Variants in B9D1 observed in about 807,000 individuals in gnomAD.
B9D1 encodes the protein B9 domain containing 1.
A neutral mutation model predicts 26.1 loss-of-function variants in B9D1; 20 were observed. The ratio of observed to expected loss-of-function variants is 0.77; its 90% CI spans 0.54 to 1.12. The LOEUF is 1.12. B9D1 is among the 50% of genes most tolerant of loss of function. The pLI is 0.00. For synonymous variants in B9D1, 105 were observed against 103.1 expected (o/e 1.02, Z -0.11); for missense variants, 260 against 273.7 (o/e 0.95, Z 0.35).
At chr17:19,367,874 C>T (rs1911681604) in intron 1 of B9D1, among the ~76,000 whole-genome samples, 1 of 152,206 alleles carries the variant, frequency 6.6e-6, no homozygotes, top group Non-Finnish European at 1.5e-5. Context: ...GTCTCCCCAG[C>T]CAGACTCAAA....
intron 3 of B9D1, among the ~76,000 whole-genome samples, chr17:19,348,133 A>C (rs1909108664): frequency 6.6e-6 from 1 of 152,028 alleles, no homozygotes; most frequent in Admixed American, 6.5e-5. Context: ...CTATGGAGTC[A>C]GTGCCCACTC....
downstream of B9D1, chr17:19,335,385 A>T: frequency 6.5e-7 from 1 of 1,547,616 alleles, no homozygotes; most frequent in Non-Finnish European, 8.7e-7. Context: ...TTATCAACTA[A>T]TTCCTTTTTT....
downstream of B9D1, chr17:19,343,058 C>T (rs1010902726): frequency 1.9e-5 from 26 of 1,370,488 alleles, no homozygotes; most frequent in African/African-American, 1.0e-4. Context: ...GCAGCTTCCA[C>T]GGCACAAGGG....
intron 1 of B9D1, among the ~76,000 whole-genome samples, chr17:19,375,284 T>C (rs969008489): frequency 1.3e-5 from 2 of 148,852 alleles, no homozygotes; most frequent in South Asian, 2.1e-4. Flanking sequence ...TGAAACCCTG[T>C]CTCAAAAAGA....
intron 3 of B9D1, among the ~76,000 whole-genome samples, chr17:19,348,949 G>A (rs908488998): frequency 6.6e-6 from 1 of 152,128 alleles, no homozygotes; most frequent in Non-Finnish European, 1.5e-5. Flanking sequence ...CCCTTCCTCT[G>A]GGGGCCACGC....
rs1041432078 is a variant in B9D1, at chr17:19,359,737, G to A, written c.132+583C>T. Among the ~76,000 whole-genome samples, 1 of 152,258 alleles carries A rather than the reference G, an allele frequency of 6.6e-6. No individual in the cohort carries two copies. The highest frequency in any genetic ancestry group is 2.4e-5 in the African/African-American group (1 of 41,470). ...CAGAAGACAATCAATAAAGGGAAAA[G>A]AAGGATTATCATCTCAGTTGTACAA... On this transcript the variant is annotated intron_variant, in intron 2 of 6. Coordinates refer to ENST00000261499, the MANE Select transcript of B9D1 (RefSeq NM_015681.6). This position sits in a 1 kb window ranked among gnomAD's most constrained non-coding sequence, Gnocchi z 5.0.
At chr17:19,363,032 G>A (rs150925127), upstream of B9D1, 4 of 216,706 alleles carry the variant, frequency 1.8e-5, no homozygotes, top group East Asian at 5.4e-4. Flanking sequence ...GCCACTAGAT[G>A]TCGCTGTGGC....
upstream of B9D1, chr17:19,364,639 ATCC>A (rs1911481044): frequency 4.6e-5 from 7 of 152,378 alleles, no homozygotes; most frequent in South Asian, 1.4e-3. The surrounding 1 kb of genome is among the most constrained non-coding windows in gnomAD (Gnocchi z 4.3). Flanking sequence ...CCCAGCTGAC[ATCC>A]AGCCGATCTG....
upstream of B9D1, among the ~76,000 whole-genome samples, chr17:19,363,203 CGCTT>C (rs1036881466): frequency 1.3e-5 from 2 of 152,342 alleles, no homozygotes; most frequent in Admixed American, 6.5e-5. Flanking sequence ...GGCTTGGAGA[CGCTT>C]GCCCTCGAAA....
chr17:19,337,893 G>T, downstream of B9D1: 1 of 622,292 alleles, frequency 1.6e-6, no homozygotes, highest in East Asian at 2.9e-5. Context: ...GCAAGTGCAG[G>T]CTTCCTTAGT....
At position 19,344,405 on chromosome 17, in the gene B9D1, CAG is replaced by C. The variant is rs1225990391; in HGVS notation, c.405-550_405-549del. On this transcript the variant is annotated intron_variant, in intron 5 of 6. Transcript: ENST00000261499. ...TCTTGGCACCCACCGCAGGCCCTGC[CAG>C]GGGCGGCACACAGCCACCAGGCTGA... is the stretch of plus-strand genomic sequence containing the variant. The C allele has an allele frequency of 4.9e-5, 11 of 225,022 alleles. No individual in the cohort carries two copies. In the South Asian group the frequency reaches 5.0e-4, roughly 10 times the overall value. 13.9% of individuals were successfully genotyped at this position (225,022 alleles called of 1,614,324 possible). A position where few individuals can be genotyped will look rare whatever the true frequency, so the allele number is the denominator to read the frequency against.
chr17:19,377,870 GA>G, exon 1 of B9D1: 1 of 985,430 alleles, frequency 1.0e-6, no homozygotes, highest in Non-Finnish European at 1.2e-6. Flanking sequence ...TAGAAGCCAG[GA>G]AACCGCGAGC....
chr17:19,369,067 C>CT (rs1384878183), intron 1 of B9D1, among the ~76,000 whole-genome samples: 1 of 152,156 alleles, frequency 6.6e-6, no homozygotes, highest in Non-Finnish European at 1.5e-5. Context: ...GGATGACATT[C>CT]TTTTTTTGTT....
intron 3 of B9D1, among the ~76,000 whole-genome samples, chr17:19,354,776 C>T (rs1347374201): frequency 3.3e-5 from 5 of 152,066 alleles, no homozygotes; most frequent in East Asian, 3.9e-4. Flanking sequence ...TGCAGTGAGC[C>T]GAGATCGCGC....
At chr17:19,375,936 A>G (rs1009876180) in intron 1 of B9D1, among the ~76,000 whole-genome samples, 4 of 152,242 alleles carry the variant, frequency 2.6e-5, no homozygotes, top group African/African-American at 4.8e-5. Context: ...ACTTGTAAAC[A>G]AATGTTCTCA....
At chr17:19,348,320 A>G (rs1909135855) in intron 3 of B9D1, among the ~76,000 whole-genome samples, 1 of 152,144 alleles carries the variant, frequency 6.6e-6, no homozygotes, top group Non-Finnish European at 1.5e-5. Flanking sequence ...GTCAGAGAGA[A>G]AAGAAAAACC....
At chr17:19,371,829 G>A (rs1377018663) in intron 1 of B9D1, among the ~76,000 whole-genome samples, 1 of 152,210 alleles carries the variant, frequency 6.6e-6, no homozygotes, top group Non-Finnish European at 1.5e-5. Context: ...CCTTCAGAGT[G>A]TGGGCTGTGG....
In B9D1 at chr17:19,343,426, G is replaced by A. The variant is rs752593719; in HGVS notation, c.508C>T (p.Leu170Phe). The stretch of plus-strand genomic sequence containing the variant: ...ATGTCCTTGGTCACCACGTTGAAGA[G>A]GAGGGTGACAAAGCCCTGAGAACGG... The part of the protein sequence containing the change: ...RVRSQGFVTL[L>F]FNVVTKDMRK... Residue 170 changes from leucine to phenylalanine, a missense_variant, in exon 7 of 7, where the codon CTC becomes TTC. Physicochemically the swap from Leu to Phe is conservative, Grantham distance 22. Coordinates refer to ENST00000261499, the MANE Select transcript of B9D1 (RefSeq NM_015681.6). 3 of 1,614,156 alleles carry A rather than the reference G, an allele frequency of 1.9e-6. No individual in the cohort carries two copies. The highest frequency in any genetic ancestry group is 1.1e-5 in the South Asian group (1 of 91,054).
Position 19,377,737 on chromosome 17 carries a change from G to C in B9D1, c.-298+122C>G, listed in dbSNP as rs1023117264. The stretch of plus-strand genomic sequence containing the variant: ...TGGGTCGGGACAGCTCGGTTCCAGC[G>C]AGGGCTCCGCCCACCCGCGGGCTCC... On this transcript the variant is annotated intron_variant, in intron 1 of 5. Coordinates refer to the B9D1 transcript ENST00000477478. 9.9e-6 allele frequency: 7 copies of C among 706,862 alleles called. No individual in the cohort carries two copies. In the South Asian group the frequency reaches 4.4e-4, roughly 45 times the overall value. 43.8% of individuals were successfully genotyped at this position (706,862 alleles called of 1,614,324 possible). A position where few individuals can be genotyped will look rare whatever the true frequency, so the allele number is the denominator to read the frequency against.
Sources: gnomAD v4.1 joint callset for allele counts (sites outside exome capture counted in the v4.1 genomes callset) on GRCh38, gnomAD v4.1.1 for gene constraint, Gnocchi (gnomAD v3.1) non-coding constraint, MANE v1.5 for transcripts, NCBI Gene and HGNC (gene_info 2026-07-23, HGNC 2026-07-21) for gene names.